The following SARNP variants were observed in gnomAD, a reference collection of about 807,000 sequenced individuals.
The protein encoded by SARNP is SAP domain-containing ribonucleoprotein.
SARNP carries 5 observed loss-of-function variants against 38.1 expected under a neutral mutation model. The ratio of observed to expected loss-of-function variants is 0.13; its 90% confidence interval spans 0.07 to 0.28. The LOEUF (loss-of-function observed/expected upper bound fraction) is 0.28, where lower values mean the gene tolerates loss of function less well. SARNP is among the 10% of genes least tolerant of loss of function. The pLI, the probability that SARNP is intolerant of heterozygous loss-of-function variation, is 1.00. For missense variants in SARNP, 180 were observed against 243.9 expected (o/e 0.74, Z 1.75); for synonymous variants, 84 against 80.6 (o/e 1.04, Z -0.23).
At chr12:55,814,907 C>T (rs1361831602) in intron 1 of SARNP, among the ~76,000 whole-genome samples, 5 of 151,550 alleles carry the variant, frequency 3.3e-5, no homozygotes, top group Non-Finnish European at 7.4e-5. Flanking sequence ...TGCATTTCTA[C>T]AAAATCCTCA....
intron 1 of SARNP, among the ~76,000 whole-genome samples, chr12:55,810,249 A>G (rs1592583746): frequency 6.6e-6 from 1 of 151,952 alleles, no homozygotes; most frequent in East Asian, 1.9e-4. Flanking sequence ...TATAGCTGGG[A>G]CCACAGGTGT....
At chr12:55,805,995 T>A (rs750316334) in intron 1 of SARNP, among the ~76,000 whole-genome samples, 27 of 151,004 alleles carry the variant, frequency 1.8e-4, no homozygotes, top group Non-Finnish European at 2.9e-4. Context: ...CGAGATCACA[T>A]CATTGCGCTC....
chr12:55,791,583 T>C (rs1432822443), intron 7 of SARNP, among the ~76,000 whole-genome samples: 1 of 152,052 alleles, frequency 6.6e-6, no homozygotes, highest in African/African-American at 2.4e-5. Flanking sequence ...TAGTCCCAGC[T>C]ACTCGGGAGG....
At position 55,779,401 on chromosome 12, in the gene SARNP, A is replaced by G. The variant is rs1434675597; in HGVS notation, c.501+9674T>C. On this transcript the variant is annotated intron_variant, in intron 9 of 10. Transcript: ENST00000336133. ...GCTGTATGAGAAAGAGAAATGGAGA[A>G]TTAAATTTTACACTAAGCCTAGGCA... Among the ~76,000 whole-genome samples, 3 of 152,342 alleles carry G rather than the reference A, an allele frequency of 2.0e-5. No homozygotes were observed. The East Asian group carries it at 5.8e-4, about 29-fold the overall frequency.
At chr12:55,809,933 CTT>C (rs1880276387) in intron 1 of SARNP, among the ~76,000 whole-genome samples, 1 of 152,098 alleles carries the variant, frequency 6.6e-6, no homozygotes, top group Admixed American at 6.6e-5. Flanking sequence ...AGGAAAGAAA[CTT>C]TTTACCATAT....
chr12:55,775,543 A>AAAAAAC (rs1565673931), intron 9 of SARNP, among the ~76,000 whole-genome samples: 2 of 145,076 alleles, frequency 1.4e-5, no homozygotes, highest in Middle Eastern at 3.2e-3. Flanking sequence ...AAAAAAAAAC[A>AAAAAAC]AAAAACAAAA....
chr12:55,794,326 G>T, intron 7 of SARNP, 33 bp downstream of exon 7: 1 of 1,570,294 alleles, frequency 6.4e-7, no homozygotes, highest in Non-Finnish European at 8.7e-7. Flanking sequence ...GAATAAAAAG[G>T]TAACTTTCTC....
In SARNP at chr12:55,800,551, G is replaced by T; in HGVS notation, c.251+11C>A. 2 of 1,565,140 alleles carry T rather than the reference G, an allele frequency of 1.3e-6. No homozygotes were observed. Among genetic ancestry groups the T allele is most frequent in the Non-Finnish European group, 1.8e-6 (2 of 1,141,512 alleles). The stretch of plus-strand genomic sequence containing the variant: ...TGCTCTGTACTCAGATTATAAAAAA[G>T]GGATAATTACACATCAACAGTTTTT... On this transcript the variant is annotated intron_variant, in intron 4 of 10. Coordinates refer to ENST00000336133, the MANE Select transcript of SARNP (RefSeq NM_033082.4).
At chr12:55,812,365 A>G (rs1489273229) in intron 1 of SARNP, among the ~76,000 whole-genome samples, 1 of 152,178 alleles carries the variant, frequency 6.6e-6, no homozygotes, top group African/African-American at 2.4e-5. Flanking sequence ...CATAAATTTT[A>G]CTTTTTATTT....
At chr12:55,754,738 A>C (rs1383438521), downstream of SARNP, 1 of 152,274 alleles carries the variant, frequency 6.6e-6, no homozygotes, top group East Asian at 1.9e-4. Context: ...GTGTGAATAC[A>C]TGATATGAGA....
chr12:55,784,524 C>T (rs1879432356), intron 9 of SARNP, among the ~76,000 whole-genome samples: 1 of 152,172 alleles, frequency 6.6e-6, no homozygotes, highest in South Asian at 2.1e-4. Context: ...ACTCCTTTTC[C>T]TCCAACTTCT....
intron 1 of SARNP, among the ~76,000 whole-genome samples, chr12:55,809,634 T>G (rs1437667465): frequency 6.6e-6 from 1 of 151,268 alleles, no homozygotes; most frequent in Non-Finnish European, 1.5e-5. Flanking sequence ...TCCTAGCTAC[T>G]CGGGAGGCTA....
intron 1 of SARNP, among the ~76,000 whole-genome samples, chr12:55,813,763 C>T (rs1414114409): frequency 6.6e-6 from 1 of 152,034 alleles, no homozygotes; most frequent in Non-Finnish European, 1.5e-5. Context: ...AGGCTGGTCT[C>T]GAACTCTCGA....
chr12:55,803,077 C>T (rs1880030855), intron 2 of SARNP, among the ~76,000 whole-genome samples: 1 of 151,916 alleles, frequency 6.6e-6, no homozygotes, highest in Admixed American at 6.6e-5. Flanking sequence ...TACATTCAAA[C>T]ACATTAGAAC....
chr12:55,779,301 T>C (rs1879275275), intron 9 of SARNP, among the ~76,000 whole-genome samples: 1 of 152,216 alleles, frequency 6.6e-6, no homozygotes, highest in African/African-American at 2.4e-5. Flanking sequence ...GAGGTATCAA[T>C]GGCTGAGGGA....
intron 9 of SARNP, among the ~76,000 whole-genome samples, chr12:55,780,175 G>A (rs546907301): frequency 3.3e-5 from 5 of 151,994 alleles, no homozygotes; most frequent in South Asian, 2.1e-4. Context: ...AAATAAGGCC[G>A]GGCACAGTGG....
downstream of SARNP, chr12:55,754,531 T>A (rs994263965): frequency 6.6e-5 from 10 of 152,252 alleles, no homozygotes; most frequent in African/African-American, 1.9e-4. Flanking sequence ...TGGGACTCTT[T>A]CTGCCTTTTC....
downstream of SARNP, chr12:55,756,382 CAG>C (rs1181062167): frequency 6.6e-6 from 1 of 152,126 alleles, no homozygotes; most frequent in Non-Finnish European, 1.5e-5. Flanking sequence ...CCTCACCAAC[CAG>C]AGACTTTGGA....
downstream of SARNP, chr12:55,756,480 A>G (rs190137853): frequency 3.3e-5 from 5 of 152,352 alleles, no homozygotes; most frequent in African/African-American, 1.2e-4. Context: ...TTTAGTAGAA[A>G]TAAGGATAAA....
Sources: allele counts gnomAD v4.1 joint callset (sites outside exome capture counted in the v4.1 genomes callset), GRCh38; gene constraint gnomAD v4.1.1; transcripts MANE v1.5; gene names NCBI Gene and HGNC (gene_info 2026-07-23, HGNC 2026-07-21).